The following ZNF577 variants were observed in gnomAD, a reference collection of about 807,000 sequenced individuals.
ZNF577 encodes zinc finger protein 577.
A neutral mutation model predicts 13.9 loss-of-function variants in ZNF577; 14 were observed. That is an observed-to-expected ratio of 1.00 (90% CI 0.66 to 1.57). ZNF577 has a LOEUF of 1.57. Ranked by LOEUF, ZNF577 falls within the 40% of genes most tolerant of loss-of-function variation. The pLI, the probability that ZNF577 is intolerant of heterozygous loss-of-function variation, is 0.00. For synonymous variants in ZNF577, 203 were observed against 202.9 expected (o/e 1.00, Z 0.00); for missense variants, 555 against 579.2 (o/e 0.96, Z 0.43).
At chr19:51,823,848 G>T (rs201759424) in intron 9 of ZNF577, 2 of 1,614,028 alleles carry the variant, frequency 1.2e-6, no homozygotes, top group African/African-American at 2.7e-5. Context: ...GCTAGTCCAC[G>T]GAGTCACCTT....
intron 1 of ZNF577, 127 bp from the exon 2 acceptor site, chr19:51,881,004 A>G (rs1468566876): frequency 6.6e-6 from 1 of 152,512 alleles, no homozygotes; most frequent in Non-Finnish European, 1.5e-5. Flanking sequence ...ACACCCTGGA[A>G]GCCATTACAT....
At chr19:51,844,221 C>G (rs531188016) in intron 6 of ZNF577, among the ~76,000 whole-genome samples, 1 of 151,990 alleles carries the variant, frequency 6.6e-6, no homozygotes. Flanking sequence ...TGCACAATAA[C>G]CCTTGTTTAA....
At chr19:51,886,213 TAA>T (rs922550495) in intron 1 of ZNF577, 13 of 152,260 alleles carry the variant, frequency 8.5e-5, no homozygotes, top group African/African-American at 1.7e-4. Flanking sequence ...GAAAAAAACT[TAA>T]GAGACCAATT....
chr19:51,865,137 C>T (rs996819337), downstream of ZNF577, among the ~76,000 whole-genome samples: 5 of 152,162 alleles, frequency 3.3e-5, no homozygotes, highest in Non-Finnish European at 5.9e-5. Context: ...GCTCTTGTCA[C>T]CCAGGCTGGA....
chr19:51,875,564 C>T (rs934053314), intron 5 of ZNF577, among the ~76,000 whole-genome samples: 2 of 152,164 alleles, frequency 1.3e-5, no homozygotes, highest in Admixed American at 1.3e-4. Context: ...ATGTCTTCCT[C>T]CTCCTTGGAA....
chr19:51,820,492 C>T (rs2084180365), intron 9 of ZNF577, among the ~76,000 whole-genome samples: 1 of 152,208 alleles, frequency 6.6e-6, no homozygotes, highest in African/African-American at 2.4e-5. Flanking sequence ...TTCTCTTCTC[C>T]ACTTTGTAAC....
chr19:51,834,528 A>G (rs2084278785), intron 9 of ZNF577, among the ~76,000 whole-genome samples: 1 of 152,218 alleles, frequency 6.6e-6, no homozygotes, highest in South Asian at 2.1e-4. Context: ...CAATAACAAC[A>G]TAACTAGCAA....
chr19:51,818,425 G>C (rs187068948), intron 9 of ZNF577, among the ~76,000 whole-genome samples: 2 of 152,320 alleles, frequency 1.3e-5, no homozygotes, highest in East Asian at 3.9e-4. Context: ...TGCTATGCTA[G>C]AGACACAGCA....
intron 9 of ZNF577, chr19:51,823,917 C>A: frequency 1.9e-6 from 3 of 1,614,102 alleles, no homozygotes; most frequent in South Asian, 1.1e-5. Context: ...CCGGATGACA[C>A]GCACAGTCAA....
intron 9 of ZNF577, among the ~76,000 whole-genome samples, chr19:51,827,478 C>T (rs1323059219): frequency 6.6e-6 from 1 of 152,092 alleles, no homozygotes; most frequent in Non-Finnish European, 1.5e-5. Context: ...ATCCCAATCC[C>T]CTGCAAATAA....
In ZNF577 at chr19:51,882,567, A is replaced by G. The variant is rs558376535; in HGVS notation, c.-218-1690T>C. Among the ~76,000 whole-genome samples the G allele has an allele frequency of 2.0e-5, 3 of 152,136 alleles. No individual in the cohort carries two copies. In the South Asian group the frequency reaches 6.2e-4, roughly 32 times the overall value. On this transcript the variant is annotated intron_variant, in intron 1 of 5. Transcript: ENST00000638348. ...GAGGTGAAGGCAGGAGAATTCCTTGAGGCCAGGAGTTCAAAACCAGCCTGG... is the reference window on the plus strand; with the variant it reads ...GAGGTGAAGGCAGGAGAATTCCTTGGGGCCAGGAGTTCAAAACCAGCCTGG...
In ZNF577 at chr19:51,880,779, A is replaced by G. The variant is rs2122712361; in HGVS notation, c.-120T>C. On this transcript the variant is annotated 5_prime_UTR_variant, in exon 2 of 6. Transcript: ENST00000638348. Reference sequence around the variant, plus strand: ...GCCTTCCCAGAAGTGGTGGTCAGGTATCATCTCAGGTCAAGCTACCACTGG... The same window carrying G: ...GCCTTCCCAGAAGTGGTGGTCAGGTGTCATCTCAGGTCAAGCTACCACTGG... The G allele has an allele frequency of 5.6e-6, 1 of 179,322 alleles. No homozygotes were observed. The highest frequency in any genetic ancestry group is 1.3e-4 in the South Asian group (1 of 7,846). The allele number at this position is 179,322 out of a possible 1,614,324, so 11.1% of individuals were successfully genotyped here.
intron 9 of ZNF577, among the ~76,000 whole-genome samples, chr19:51,821,215 C>T (rs1300699432): frequency 2.0e-5 from 3 of 152,156 alleles, no homozygotes; most frequent in African/African-American, 7.2e-5. Context: ...AACTGAGGCT[C>T]AAAGAGATAT....
intron 1 of ZNF577, among the ~76,000 whole-genome samples, chr19:51,883,697 A>T (rs1444402905): frequency 6.6e-6 from 1 of 152,214 alleles, no homozygotes; most frequent in African/African-American, 2.4e-5. Context: ...CATCATTTGG[A>T]TCATGATTCA....
chr19:51,813,868 G>A (rs1022861192), intron 9 of ZNF577, among the ~76,000 whole-genome samples: 1 of 152,178 alleles, frequency 6.6e-6, no homozygotes, highest in African/African-American at 2.4e-5. Context: ...AGACAGGCAT[G>A]TGAATGAAGC....
intron 10 of ZNF577, among the ~76,000 whole-genome samples, chr19:51,808,439 C>T (rs1171417216): frequency 1.3e-5 from 2 of 152,042 alleles, no homozygotes; most frequent in Non-Finnish European, 2.9e-5. Flanking sequence ...TAGGAGCAGC[C>T]AAAAGAATAT....
intron 8 of ZNF577, chr19:51,840,748 A>G (rs1235304021): frequency 1.3e-5 from 2 of 152,244 alleles, no homozygotes; most frequent in African/African-American, 4.8e-5. Flanking sequence ...TCCCAGGAAT[A>G]CAAGGATGTT....
chr19:51,878,575 G>T, intron 3 of ZNF577, 60 bp from the exon 4 acceptor site: 3 of 1,595,702 alleles, frequency 1.9e-6, no homozygotes, highest in South Asian at 1.1e-5. Flanking sequence ...CGGAGAAGAG[G>T]GACGGGGACA....
downstream of ZNF577, among the ~76,000 whole-genome samples, chr19:51,865,440 T>C (rs1462522204): frequency 1.3e-5 from 2 of 152,150 alleles, no homozygotes; most frequent in Non-Finnish European, 2.9e-5. Context: ...AACACCACTG[T>C]GGTGAGCACT....
Sources: allele counts gnomAD v4.1 joint callset (sites outside exome capture counted in the v4.1 genomes callset), GRCh38; gene constraint gnomAD v4.1.1; transcripts MANE v1.5; gene names NCBI Gene and HGNC (gene_info 2026-07-23, HGNC 2026-07-21).